Variants in LUZP2 observed in about 807,000 individuals in gnomAD.
LUZP2 encodes leucine zipper protein 2.
A neutral mutation model predicts 51.6 loss-of-function variants in LUZP2; 52 were observed. That is an observed-to-expected ratio of 1.01 (90% CI 0.81 to 1.27). LUZP2 has a LOEUF of 1.27. Ranked by LOEUF, LUZP2 falls within the 50% of genes most tolerant of loss-of-function variation. LUZP2 has a pLI of 0.00. For synonymous variants in LUZP2, 154 were observed against 137.3 expected, an observed-to-expected ratio of 1.12 and a Z score of -0.85; for missense variants, 436 against 395.4, an observed-to-expected ratio of 1.10 and a Z score of -0.87.
At chr11:25,044,257 G>GTGTATA (rs1485990610) in intron 9 of LUZP2, among the ~76,000 whole-genome samples, 6 of 60,758 alleles carry the variant, frequency 9.9e-5, no homozygotes, top group African/African-American at 3.2e-4. Context: ...GTGTGTGTGT[G>GTGTATA]TATATATATA....
At chr11:24,637,029 GT>G (rs1420171433) in intron 1 of LUZP2, among the ~76,000 whole-genome samples, 2 of 151,642 alleles carry the variant, frequency 1.3e-5, no homozygotes, top group Non-Finnish European at 2.9e-5. Context: ...TTGATTAACA[GT>G]TTAAAAAGGG....
intron 7 of LUZP2, among the ~76,000 whole-genome samples, chr11:24,972,167 T>C (rs975604392): frequency 8.2e-5 from 9 of 110,376 alleles, no homozygotes; most frequent in Non-Finnish European, 1.8e-4. Flanking sequence ...AAAAAACACT[T>C]GGGCATGAAT....
chr11:24,554,455 A>G (rs1851808246), intron 1 of LUZP2, among the ~76,000 whole-genome samples: 2 of 152,126 alleles, frequency 1.3e-5, no homozygotes, highest in African/African-American at 4.8e-5. Flanking sequence ...TTAAAACTTC[A>G]ATTTAGATTT....
intron 1 of LUZP2, among the ~76,000 whole-genome samples, chr11:24,583,312 C>T (rs1473220734): frequency 2.0e-5 from 3 of 152,002 alleles, no homozygotes; most frequent in Non-Finnish European, 2.9e-5. Context: ...TGCCAGCAAC[C>T]GACTTACACT....
At chr11:24,509,936 G>A (rs1242137630) in intron 1 of LUZP2, among the ~76,000 whole-genome samples, 2 of 152,096 alleles carry the variant, frequency 1.3e-5, no homozygotes, top group African/African-American at 4.8e-5. Context: ...AGACAGCTTT[G>A]ACAGGTAGTG....
chr11:24,792,773 C>CTGT (rs902418664), intron 5 of LUZP2, among the ~76,000 whole-genome samples: 56 of 152,216 alleles, frequency 3.7e-4, no homozygotes, highest in African/African-American at 1.2e-3. Context: ...GAAAGCTGTA[C>CTGT]TGTTGTTGTT....
In LUZP2 at chr11:24,721,819, G is replaced by A. The variant is rs540883139; in HGVS notation, c.63-7350G>A. Among the ~76,000 whole-genome samples the A allele has an allele frequency of 2.2e-4, 33 of 152,204 alleles. No homozygotes were observed. The South Asian group carries it at 2.3e-3, about 11-fold the overall frequency. On this transcript the variant is annotated intron_variant, in intron 1 of 11. Transcript: ENST00000336930. ...AATGTATATGGAAATGCATTTGACC[G>A]TGAATAAGTAAGACAATCTTGAAGA... is the stretch of plus-strand genomic sequence containing the variant.
At chr11:24,684,406 C>T (rs1487330533) in intron 1 of LUZP2, among the ~76,000 whole-genome samples, 1 of 152,184 alleles carries the variant, frequency 6.6e-6, no homozygotes, top group African/African-American at 2.4e-5. Flanking sequence ...CTCCCAAGCT[C>T]TTTCATGGAT....
chr11:24,845,512 A>G (rs1201798375), intron 5 of LUZP2, among the ~76,000 whole-genome samples: 4 of 152,094 alleles, frequency 2.6e-5, no homozygotes, highest in Non-Finnish European at 5.9e-5. Flanking sequence ...GCTTTGAAAT[A>G]TGAGGACATG....
chr11:24,601,893 T>TGTATAC (rs1853656243), intron 1 of LUZP2, among the ~76,000 whole-genome samples: 1 of 60,132 alleles, frequency 1.7e-5, no homozygotes, highest in African/African-American at 9.3e-5. Flanking sequence ...TATATGTATA[T>TGTATAC]ATGTATATAT....
chr11:24,653,661 C>T (rs955317), intron 1 of LUZP2, among the ~76,000 whole-genome samples: 28,563 of 152,034 alleles, frequency 0.19, 3,068 homozygotes, highest in Admixed American at 0.29. Context: ...ATACCTGGGG[C>T]ATTCCTACTG....
At chr11:24,574,889 A>C (rs899549588) in intron 1 of LUZP2, among the ~76,000 whole-genome samples, 1 of 152,134 alleles carries the variant, frequency 6.6e-6, no homozygotes, top group African/African-American at 2.4e-5. Context: ...GAAATAATTT[A>C]AAATTGCAAG....
chr11:24,533,654 C>A (rs1372168316), intron 1 of LUZP2, among the ~76,000 whole-genome samples: 1 of 151,138 alleles, frequency 6.6e-6, no homozygotes, highest in Non-Finnish European at 1.5e-5. Context: ...CTTTTCCCTC[C>A]TTTATTCTCT....
At chr11:24,583,273 C>T (rs1852939262) in intron 1 of LUZP2, among the ~76,000 whole-genome samples, 1 of 151,946 alleles carries the variant, frequency 6.6e-6, no homozygotes, top group Admixed American at 6.6e-5. Flanking sequence ...TCAAACAAGC[C>T]AGCATACAAT....
At chr11:24,702,369 G>C (rs1857444741) in intron 1 of LUZP2, among the ~76,000 whole-genome samples, 1 of 151,962 alleles carries the variant, frequency 6.6e-6, no homozygotes, top group Admixed American at 6.6e-5. Flanking sequence ...AATTATGGAA[G>C]AAGAAATAAA....
chr11:24,611,404 CA>C lies in LUZP2; in HGVS notation c.62+114100del, dbSNP rs1386277358. ...TTACCCCATTATATATACATACATACAGCTATATAAGATATATTTTGCACAC... is the reference window on the plus strand; with the variant it reads ...TTACCCCATTATATATACATACATACGCTATATAAGATATATTTTGCACAC... On this transcript the variant is annotated intron_variant, in intron 1 of 11. Transcript: ENST00000336930. The surrounding 1 kb of genome is among the most constrained non-coding windows in gnomAD (Gnocchi z 4.6). 6.6e-6 allele frequency among the ~76,000 whole-genome samples: 1 copy of C among 152,008 alleles called. No individual in the cohort carries two copies. The highest frequency in any genetic ancestry group is 1.5e-5 in the Non-Finnish European group (1 of 67,996).
At chr11:24,826,151 A>G (rs11028196) in intron 5 of LUZP2, among the ~76,000 whole-genome samples, 5,289 of 134,034 alleles carry the variant, frequency 0.039, 217 homozygotes, top group East Asian at 0.13. Context: ...ACTCCAGCCT[A>G]GGCGACAGAG....
intron 1 of LUZP2, among the ~76,000 whole-genome samples, chr11:24,699,250 TTA>T (rs1857347322): frequency 2.6e-5 from 4 of 152,254 alleles, no homozygotes; most frequent in African/African-American, 9.6e-5. Context: ...ACCATAAATT[TTA>T]TGTTTGTTCT....
intron 1 of LUZP2, among the ~76,000 whole-genome samples, chr11:24,555,868 A>T (rs1367325931): frequency 6.6e-6 from 1 of 152,082 alleles, no homozygotes; most frequent in Non-Finnish European, 1.5e-5. Flanking sequence ...AGTCCCAGCT[A>T]CTCAGGAGGC....
Sources: gnomAD v4.1 joint callset for allele counts (sites outside exome capture counted in the v4.1 genomes callset) on GRCh38, gnomAD v4.1.1 for gene constraint, Gnocchi (gnomAD v3.1) non-coding constraint, MANE v1.5 for transcripts, NCBI Gene and HGNC (gene_info 2026-07-23, HGNC 2026-07-21) for gene names.